The following SRRM1 variants were observed in gnomAD, a reference collection of about 807,000 sequenced individuals.
The protein encoded by SRRM1 is serine and arginine repetitive matrix 1, also known as serine/arginine repetitive matrix protein 1.
A neutral mutation model predicts 110.2 loss-of-function variants in SRRM1; 19 were observed. The ratio of observed to expected loss-of-function variants is 0.17; its 90% CI spans 0.12 to 0.25. SRRM1 has a LOEUF of 0.25. Among genes scored for constraint, SRRM1 ranks in the 10% least tolerant of loss-of-function variants. The pLI, the probability that SRRM1 is intolerant of heterozygous loss-of-function variation, is 1.00. For missense variants in SRRM1, 918 were observed against 1,145.8 expected, an observed-to-expected ratio of 0.80 and a Z score of 2.87; for synonymous variants, 443 against 414.9, an observed-to-expected ratio of 1.07 and a Z score of -0.82.
In SRRM1 at chr1:24,671,337, T is replaced by C. The variant is rs141735034; in HGVS notation, c.2401-49T>C. 3.2e-4 allele frequency: 479 copies of C among 1,488,852 alleles called. 3 individuals carry two copies. In the East Asian group the frequency reaches 9.7e-3, roughly 30 times the overall value. The allele number at this position is 1,488,852 out of a possible 1,614,324, so 92.2% of individuals were successfully genotyped here. ...ATAAAATGTTCAGTTGGACAGAATATTAATCAGATTGATTATAAATGCTGG... is the reference window on the plus strand; with the variant it reads ...ATAAAATGTTCAGTTGGACAGAATACTAATCAGATTGATTATAAATGCTGG... On this transcript the variant is annotated intron_variant, in intron 15 of 16. Transcript: ENST00000323848.
intron 8 of SRRM1, among the ~76,000 whole-genome samples, 182 bp from the exon 9 acceptor site, chr1:24,654,673 C>G (rs1662970978): frequency 6.6e-6 from 1 of 152,164 alleles, no homozygotes; most frequent in Non-Finnish European, 1.5e-5. Flanking sequence ...AATCTCAGAA[C>G]TAGCTGTTTC....
intron 5 of SRRM1, among the ~76,000 whole-genome samples, chr1:24,650,853 A>T (rs1194073424): frequency 1.3e-5 from 2 of 152,250 alleles, no homozygotes; most frequent in Admixed American, 1.3e-4. Context: ...CTTCTGTGTG[A>T]ATAAGAGAAA....
chr1:24,671,283 T>TG, intron 15 of SRRM1, 103 bp from the exon 16 acceptor site: 2 of 1,236,292 alleles, frequency 1.6e-6, no homozygotes, highest in Non-Finnish European at 2.3e-6. Flanking sequence ...TCGGAAATCT[T>TG]GAGATTTGTC....
intron 8 of SRRM1, among the ~76,000 whole-genome samples, chr1:24,653,237 C>T (rs947271918): frequency 1.1e-4 from 16 of 152,098 alleles, no homozygotes; most frequent in Admixed American, 3.3e-4. Context: ...GGAAAGTAAA[C>T]GAGAAATTCA....
At position 24,646,070 on chromosome 1, in the gene SRRM1, A is replaced by C. The variant is rs1421940516; in HGVS notation, c.108A>C (p.Lys36Asn). Residue 36 changes from lysine (K) to asparagine (N), a missense_variant, in exon 2 of 17, where the codon AAA (lysine) becomes AAC (asparagine). Lys to Asn is a moderately conservative substitution (Grantham distance 94). Around this residue, in one of 5 missense-constraint regions of SRRM1, gnomAD observed 38 missense variants for 144.5 expected, o/e 0.26. Coordinates refer to ENST00000323848, the MANE Select transcript of SRRM1 (RefSeq NM_005839.4). ...KQLKFAECLEKKVDMSKVNLE... is the reference protein window; with the variant it reads ...KQLKFAECLENKVDMSKVNLE... ...TGAAATTTGCAGAATGCCTAGAAAA[A>C]AAGGTATTCTTCTGGATGAGACTGT... 4 of 1,610,238 alleles carry C rather than the reference A, an allele frequency of 2.5e-6. No individual in the cohort carries two copies. Among genetic ancestry groups the C allele is most frequent in the Non-Finnish European group, 3.4e-6 (4 of 1,177,390 alleles).
At chr1:24,670,928 C>A (rs76033785) in intron 15 of SRRM1, among the ~76,000 whole-genome samples, 238 of 152,294 alleles carry the variant, frequency 1.6e-3, no homozygotes, top group African/African-American at 5.5e-3. Context: ...CATCCCCACT[C>A]TAAAGATAGG....
intron 16 of SRRM1, 143 bp from the exon 17 acceptor site, chr1:24,672,039 T>G: frequency 1.7e-6 from 1 of 584,024 alleles, no homozygotes; most frequent in Non-Finnish European, 3.1e-6. Flanking sequence ...TCGTTTAGCA[T>G]TAGGTATATC....
chr1:24,645,912 A>G (rs1180702706), intron 1 of SRRM1, 72 bp from the exon 2 acceptor site: 1 of 1,261,874 alleles, frequency 7.9e-7, no homozygotes, highest in Non-Finnish European at 1.1e-6. Flanking sequence ...TTTTGGCTAT[A>G]AAGGTCGTAG....
chr1:24,651,615 A>G lies in SRRM1; in HGVS notation c.725+3A>G. On this transcript the variant is annotated splice_donor_region_variant and intron_variant, in intron 6 of 16. Coordinates refer to ENST00000323848, the MANE Select transcript of SRRM1 (RefSeq NM_005839.4). ...GTACAAGAGGCTACTTCTACTAGGC[A>G]AGTATATAAAAATTCATTTATAAAT... 3 of 1,588,032 alleles carry G rather than the reference A, an allele frequency of 1.9e-6. No homozygotes were observed. Among genetic ancestry groups the G allele is most frequent in the Non-Finnish European group, 2.6e-6 (3 of 1,166,630 alleles).
rs995660148 is a variant in SRRM1, at chr1:24,646,652, T to C, written c.112-15T>C. ...GATTGTGAAGTTGTACTTAATTGTT[T>C]CTATGTTTCATCAGGTGGACATGAG... is the stretch of plus-strand genomic sequence containing the variant. On this transcript the variant is annotated splice_polypyrimidine_tract_variant and intron_variant, in intron 2 of 16. Coordinates refer to ENST00000323848, the MANE Select transcript of SRRM1 (RefSeq NM_005839.4). 14 of 1,571,838 alleles carry C rather than the reference T, an allele frequency of 8.9e-6. No individual in the cohort carries two copies. Among genetic ancestry groups the C allele is most frequent in the African/African-American group, 2.8e-5 (2 of 71,372 alleles).
At chr1:24,649,942 T>C (rs757513304) in intron 4 of SRRM1, 29 bp from the exon 5 acceptor site, 20 of 1,530,484 alleles carry the variant, frequency 1.3e-5, no homozygotes, top group Non-Finnish European at 1.7e-5. Flanking sequence ...TGTTCAACTA[T>C]GTGTATTTTG....
At chr1:24,645,083 T>G (rs2148141349) in intron 1 of SRRM1, among the ~76,000 whole-genome samples, 1 of 152,328 alleles carries the variant, frequency 6.6e-6, no homozygotes, top group African/African-American at 2.4e-5. Context: ...TTCAATGAAC[T>G]TCTTCCACAT....
intron 5 of SRRM1, chr1:24,650,550 G>T (rs1401148307): frequency 1.3e-5 from 2 of 152,154 alleles, no homozygotes; most frequent in Non-Finnish European, 2.9e-5. Context: ...TCATTTATTT[G>T]TTTTCTTCTT....
chr1:24,658,920 G>A (rs564371541), intron 9 of SRRM1, among the ~76,000 whole-genome samples: 9 of 152,274 alleles, frequency 5.9e-5, no homozygotes, highest in Middle Eastern at 3.4e-3. Flanking sequence ...GTCGCTGGGC[G>A]CGGTGGCTCA....
intron 12 of SRRM1, among the ~76,000 whole-genome samples, chr1:24,663,522 C>T (rs1668297849): frequency 6.6e-6 from 1 of 152,054 alleles, no homozygotes; most frequent in Admixed American, 6.5e-5. Context: ...AGATTTTTAA[C>T]AGTATCTGGA....
At chr1:24,663,466 G>A (rs568238809) in intron 12 of SRRM1, among the ~76,000 whole-genome samples, 15 of 152,214 alleles carry the variant, frequency 9.9e-5, no homozygotes, top group Middle Eastern at 3.4e-3. Context: ...ATATCTGGTT[G>A]TGCTCTTTTG....
At chr1:24,661,792 C>T (rs916898861) in intron 11 of SRRM1, among the ~76,000 whole-genome samples, 9 of 152,178 alleles carry the variant, frequency 5.9e-5, no homozygotes, top group Non-Finnish European at 1.0e-4. Flanking sequence ...GAACATCTTT[C>T]CCTATTAAAA....
intron 12 of SRRM1, among the ~76,000 whole-genome samples, chr1:24,666,354 C>G (rs879823800): frequency 2.1e-4 from 32 of 152,278 alleles, no homozygotes; most frequent in African/African-American, 6.7e-4. Flanking sequence ...TGATCTTGAC[C>G]TGTAGTTTGA....
chr1:24,652,081 A>ATAT (rs1661285539), intron 6 of SRRM1, among the ~76,000 whole-genome samples: 1 of 110,262 alleles, frequency 9.1e-6, no homozygotes, highest in Non-Finnish European at 2.0e-5. Flanking sequence ...CACACACACA[A>ATAT]ATTAGCCGGG....
Sources: gnomAD v4.1 joint callset for allele counts (sites outside exome capture counted in the v4.1 genomes callset) on GRCh38, gnomAD v4.1.1 for gene constraint, gnomAD v4.1.1 regional missense constraint, MANE v1.5 for transcripts, NCBI Gene and HGNC (gene_info 2026-07-23, HGNC 2026-07-21) for gene names.